IFT20: variants seen among roughly 807,000 people sequenced by gnomAD.
IFT20 encodes intraflagellar transport 20.
In IFT20, 4 loss-of-function variants were observed where a neutral mutation model predicts 16.9. The ratio of observed to expected loss-of-function variants is 0.24; its 90% CI spans 0.12 to 0.54. The LOEUF is 0.54. Ranked by LOEUF, IFT20 falls within the 20% of genes least tolerant of loss-of-function variation. The probability of loss-of-function intolerance (pLI) is 0.95; values close to 1 mark genes in which losing one functional copy is unlikely to be tolerated. For missense variants in IFT20, 154 were observed against 149.7 expected (o/e 1.03, Z -0.15); for synonymous variants, 48 against 49.9 (o/e 0.96, Z 0.16).
chr17:28,335,462 T>A lies in IFT20; in HGVS notation c.-125A>T, dbSNP rs1555577241. 3 of 152,332 alleles carry A rather than the reference T, an allele frequency of 2.0e-5. No individual in the cohort carries two copies. Among genetic ancestry groups the A allele is most frequent in the Non-Finnish European group, 4.4e-5 (3 of 68,182 alleles). The allele number at this position is 152,332 out of a possible 1,614,324, so 9.4% of individuals were successfully genotyped here. On this transcript the variant is annotated 5_prime_UTR_variant, in exon 1 of 5. Transcript: ENST00000395418. ...CGGCCGCTGCCACGGATACAGAGCC[T>A]GTTTACCTATGACGTCACTACCTTC...
At chr17:28,329,387 G>GA in intron 3 of IFT20, 111 bp from the exon 4 acceptor site, 1 of 802,670 alleles carries the variant, frequency 1.2e-6, no homozygotes, top group Non-Finnish European at 2.0e-6. Context: ...GAGAGGAAAA[G>GA]AAAGTGGAGC....
chr17:28,331,943 C>T lies in IFT20; in HGVS notation c.43G>A (p.Glu15Lys), dbSNP rs781983052. 1 of 1,614,242 alleles carries T rather than the reference C, an allele frequency of 6.2e-7. No homozygotes were observed. The change falls in exon 2 of 5, where the codon GAA becomes AAA. Residue 15 changes from glutamate (E) to lysine (K), a missense_variant. Physicochemically the swap from Glu to Lys is moderately conservative, Grantham distance 56. Coordinates refer to ENST00000395418, the MANE Select transcript of IFT20 (RefSeq NM_001267776.2). ...TCCAACACCCTCAGCTTGTTCAGTT[C>T]ATCAAAGTGTAGCCCTGCTTCACCC... ...ILGEAGLHFDELNKLRVLDPE... is the reference protein window; with the variant it reads ...ILGEAGLHFDKLNKLRVLDPE...
At chr17:28,331,789 A>G in intron 2 of IFT20, 70 bp downstream of exon 2, 1 of 1,596,896 alleles carries the variant, frequency 6.3e-7, no homozygotes, top group Non-Finnish European at 8.6e-7. Flanking sequence ...TGGCAGGGCC[A>G]AGATGAGCCT....
rs1907096326 is a variant in IFT20 at position 28,335,471 on chromosome 17, A to G, written c.-134T>C. 6.6e-6 allele frequency: 1 copy of G among 152,290 alleles called. No individual in the cohort carries two copies. The allele number at this position is 152,290 out of a possible 1,614,324, so 9.4% of individuals were successfully genotyped here. A position where few individuals can be genotyped will look rare whatever the true frequency, so the allele number is the denominator to read the frequency against. On this transcript the variant is annotated 5_prime_UTR_variant, in exon 1 of 5. Transcript: ENST00000395418. ...CCACGGATACAGAGCCTGTTTACCT[A>G]TGACGTCACTACCTTCCTGACTCCG...
intron 3 of IFT20, chr17:28,329,487 A>G (rs1308130587): frequency 1.9e-6 from 1 of 530,216 alleles, no homozygotes; most frequent in Admixed American, 3.5e-5. Context: ...CAGGTCTAGG[A>G]GTATTCCTAG....
intron 1 of IFT20, chr17:28,332,337 A>G: frequency 1.2e-6 from 1 of 841,074 alleles, no homozygotes; most frequent in Non-Finnish European, 1.8e-6. Context: ...TGGGGGTACA[A>G]AGATGAATGC....
rs782583127 is a variant in IFT20 at position 28,330,423 on chromosome 17, G to A, written c.213+20C>T. On this transcript the variant is annotated intron_variant, in intron 3 of 4. Coordinates refer to ENST00000395418, the MANE Select transcript of IFT20 (RefSeq NM_001267776.2). Reference sequence around the variant, plus strand: ...TAGGGTCCCAGGCCAAGATGTAGGCGGAAGACATGCTGATCTTACCTTCAT... The same window carrying A: ...TAGGGTCCCAGGCCAAGATGTAGGCAGAAGACATGCTGATCTTACCTTCAT... 29 of 1,573,482 alleles carry A rather than the reference G, an allele frequency of 1.8e-5. 1 individual carries two copies. The highest frequency in any genetic ancestry group is 3.3e-4 in the Middle Eastern group (2 of 6,012).
chr17:28,333,635 T>G (rs1191034100), intron 1 of IFT20, among the ~76,000 whole-genome samples: 1 of 152,200 alleles, frequency 6.6e-6, no homozygotes, highest in Non-Finnish European at 1.5e-5. Context: ...AAAATAGGGC[T>G]TTTTAAAAAG....
chr17:28,330,914 G>A (rs1906733993), intron 2 of IFT20, among the ~76,000 whole-genome samples: 1 of 152,204 alleles, frequency 6.6e-6, no homozygotes, highest in African/African-American at 2.4e-5. Context: ...CACTGAGCCA[G>A]CCAGCCGCTA....
At chr17:28,332,226 G>A (rs1210426560) in intron 1 of IFT20, 5 of 1,535,674 alleles carry the variant, frequency 3.3e-6, no homozygotes, top group Middle Eastern at 1.7e-4. Flanking sequence ...TGTCATAGGA[G>A]CAAGGGTCAG....
chr17:28,329,354 T>C, intron 3 of IFT20, 78 bp from the exon 4 acceptor site: 1 of 1,112,206 alleles, frequency 9.0e-7, no homozygotes, highest in Non-Finnish European at 1.3e-6. Context: ...GGAGGGGTTA[T>C]CTGGGAGCTG....
Position 28,328,494 on chromosome 17 carries a change from C to G in IFT20, c.*158G>C. On this transcript the variant is annotated 3_prime_UTR_variant, in exon 5 of 5. Coordinates refer to ENST00000395418, the MANE Select transcript of IFT20 (RefSeq NM_001267776.2). Reference sequence around the variant, plus strand: ...GCACTGATGTTAAAACTGGCTCCCCCAGACTTGTAGTGCTGTCTTCAGGGG... The same window carrying G: ...GCACTGATGTTAAAACTGGCTCCCCGAGACTTGTAGTGCTGTCTTCAGGGG... 1 of 644,378 alleles carries G rather than the reference C, an allele frequency of 1.6e-6. No homozygotes were observed. Among genetic ancestry groups the G allele is most frequent in the Non-Finnish European group, 2.8e-6 (1 of 359,140 alleles). 39.9% of individuals were successfully genotyped at this position (644,378 alleles called of 1,614,324 possible).
At chr17:28,329,412 G>T in intron 3 of IFT20, 136 bp from the exon 4 acceptor site, 1 of 671,784 alleles carries the variant, frequency 1.5e-6, no homozygotes, top group Non-Finnish European at 2.6e-6. Flanking sequence ...AAGCTTTTGG[G>T]TTAAGTCAGA....
At chr17:28,329,328 C>T (rs1483875103) in intron 3 of IFT20, 52 bp from the exon 4 acceptor site, 2 of 1,424,672 alleles carry the variant, frequency 1.4e-6, no homozygotes, top group Non-Finnish European at 2.0e-6. Flanking sequence ...TCTACAGCAT[C>T]AAGTCCTCAA....
Position 28,330,551 on chromosome 17 carries a change from T to C in IFT20, c.128-23A>G, listed in dbSNP as rs1413483895. Reference sequence around the variant, plus strand: ...TTTCTTTTAGGAAAAGAACAAAAAATAAAATATTTCCTTAGTATCATCACT... The same window carrying C: ...TTTCTTTTAGGAAAAGAACAAAAAACAAAATATTTCCTTAGTATCATCACT... On this transcript the variant is annotated intron_variant, in intron 2 of 4. Transcript: ENST00000395418. The C allele has an allele frequency of 2.6e-6, 4 of 1,514,404 alleles. No homozygotes were observed. In the African/African-American group the frequency reaches 4.1e-5, roughly 16 times the overall value. 93.8% of individuals were successfully genotyped at this position (1,514,404 alleles called of 1,614,324 possible).
intron 1 of IFT20, among the ~76,000 whole-genome samples, chr17:28,334,667 C>T (rs1555577072): frequency 6.6e-6 from 1 of 152,260 alleles, no homozygotes; most frequent in Admixed American, 6.5e-5. Context: ...ATGGTGCCCA[C>T]ACATAACTGG....
intron 1 of IFT20, among the ~76,000 whole-genome samples, chr17:28,333,072 A>AACACACAC (rs56753724): frequency 0.24 from 34,168 of 144,300 alleles, 4,110 homozygotes; most frequent in Admixed American, 0.34. Flanking sequence ...TCTGGCTCAA[A>AACACACAC]ACACACACAC....
intron 3 of IFT20, chr17:28,329,890 GTC>G (rs1906623620): frequency 3.4e-6 from 1 of 292,264 alleles, no homozygotes; most frequent in South Asian, 1.0e-4. Context: ...GAGAAACCCT[GTC>G]TCTACTAAAA....
At chr17:28,334,269 A>G (rs1338712718) in intron 1 of IFT20, among the ~76,000 whole-genome samples, 1 of 152,272 alleles carries the variant, frequency 6.6e-6, no homozygotes, top group African/African-American at 2.4e-5. Flanking sequence ...GAAAAAAATG[A>G]CACTTAAACA....
Sources: allele counts gnomAD v4.1 joint callset (sites outside exome capture counted in the v4.1 genomes callset), GRCh38; gene constraint gnomAD v4.1.1; transcripts MANE v1.5; gene names NCBI Gene and HGNC (gene_info 2026-07-23, HGNC 2026-07-21).